The following GIMAP4 variants were observed in gnomAD, a reference collection of about 807,000 sequenced individuals.
The protein encoded by GIMAP4 is GTPase, IMAP family member 4.
A neutral mutation model predicts 10.8 loss-of-function variants in GIMAP4; 12 were observed. The ratio of observed to expected loss-of-function variants is 1.11; its 90% CI spans 0.71 to 1.81. GIMAP4 has a LOEUF of 1.81. Among genes scored for constraint, GIMAP4 ranks in the 40% most tolerant of loss-of-function variants. GIMAP4 has a pLI of 0.00. For missense variants in GIMAP4, 412 were observed against 404.6 expected (o/e 1.02, Z -0.16); for synonymous variants, 149 against 147.2 (o/e 1.01, Z -0.09).
chr7:150,572,344 A>G lies in GIMAP4; in HGVS notation c.274A>G (p.Thr92Ala), dbSNP rs1047478575. 6.2e-7 allele frequency: 1 copy of G among 1,614,156 alleles called. No homozygotes were observed. Among genetic ancestry groups the G allele is most frequent in the Non-Finnish European group, 8.5e-7 (1 of 1,180,000 alleles). Residue 92 changes from threonine (T) to alanine (A), a missense_variant, in exon 3 of 3, where the codon ACA becomes GCA. Transcript: ENST00000255945. Reference sequence around the variant, plus strand: ...AGTTGACACACCAGGCATTTTCGACACAGAGGTGCCCAATGCTGAAACGTC... The same window carrying G: ...AGTTGACACACCAGGCATTTTCGACGCAGAGGTGCCCAATGCTGAAACGTC... Reference protein sequence around the residue: ...VVVDTPGIFDTEVPNAETSKE... With the variant: ...VVVDTPGIFDAEVPNAETSKE...
chr7:150,569,998 G>A, intron 2 of GIMAP4, 39 bp downstream of exon 2: 1 of 1,460,184 alleles, frequency 6.8e-7, no homozygotes, highest in Non-Finnish European at 9.6e-7. Flanking sequence ...CAGGCTGCAG[G>A]GAGGTTAGCA....
intron 1 of GIMAP4, among the ~76,000 whole-genome samples, chr7:150,567,929 C>G (rs1038596847): frequency 2.0e-5 from 3 of 152,162 alleles, no homozygotes. Context: ...CAGGGACAGT[C>G]CTGGGTTTAC....
intron 2 of GIMAP4, 27 bp downstream of exon 2, chr7:150,569,986 A>T: frequency 8.6e-7 from 1 of 1,168,250 alleles, no homozygotes; most frequent in Non-Finnish European, 1.2e-6. Context: ...TGCTCCCCAG[A>T]CCAGGCTGCA....
chr7:150,572,321 T>G lies in GIMAP4; in HGVS notation c.251T>G (p.Val84Gly). The change falls in exon 3 of 3, where the codon GTT becomes GGT. Residue 84 changes from valine (V) to glycine (G), a missense_variant. Physicochemically the swap from Val to Gly is moderately radical, Grantham distance 109. Coordinates refer to ENST00000255945, the MANE Select transcript of GIMAP4 (RefSeq NM_018326.3). ...TGGAAGGAAACAGAACTTGTCGTAG[T>G]TGACACACCAGGCATTTTCGACACA... ...SSWKETELVV[V>G]DTPGIFDTEV... 1.2e-6 allele frequency: 2 copies of G among 1,614,124 alleles called. No homozygotes were observed. The highest frequency in any genetic ancestry group is 2.2e-5 in the South Asian group (2 of 91,088).
chr7:150,568,761 A>C (rs566456158), intron 1 of GIMAP4, among the ~76,000 whole-genome samples: 95 of 152,342 alleles, frequency 6.2e-4, no homozygotes, highest in Non-Finnish European at 1.1e-3. Flanking sequence ...CTCATCACAA[A>C]GCTTGTAGTA....
Position 150,572,333 on chromosome 7 carries a change from G to T in GIMAP4, c.263G>T (p.Gly88Val), listed in dbSNP as rs1434380994. Reference protein sequence around the residue: ...ETELVVVDTPGIFDTEVPNAE... With the variant: ...ETELVVVDTPVIFDTEVPNAE... Reference sequence around the variant, plus strand: ...GAACTTGTCGTAGTTGACACACCAGGCATTTTCGACACAGAGGTGCCCAAT... The same window carrying T: ...GAACTTGTCGTAGTTGACACACCAGTCATTTTCGACACAGAGGTGCCCAAT... The change falls in exon 3 of 3, where the codon GGC becomes GTC. Residue 88 changes from glycine (G) to valine (V), a missense_variant. By Grantham distance (109) the Gly-to-Val change is moderately radical. Transcript: ENST00000255945. The T allele has an allele frequency of 6.2e-7, 1 of 1,614,044 alleles. No individual in the cohort carries two copies. The highest frequency in any genetic ancestry group is 1.7e-5 in the Admixed American group (1 of 60,022).
At position 150,572,643 on chromosome 7, in the gene GIMAP4, C is replaced by T; in HGVS notation, c.573C>T (p.Asn191=). Reference sequence around the variant, plus strand: ...GTGACCGCTACTGTGCGTTAAACAACAAGGCAACAGGCGCTGAGCAGGAGG... The same window carrying T: ...GTGACCGCTACTGTGCGTTAAACAATAAGGCAACAGGCGCTGAGCAGGAGG... ...IFGDRYCALN[N]KATGAEQEAQ... The change falls in exon 3 of 3, where the codon AAC becomes AAT. Residue 191 remains asparagine (N), a synonymous_variant. Coordinates refer to ENST00000255945, the MANE Select transcript of GIMAP4 (RefSeq NM_018326.3). The T allele has an allele frequency of 1.9e-6, 3 of 1,614,234 alleles. No homozygotes were observed. Among genetic ancestry groups the T allele is most frequent in the Non-Finnish European group, 2.5e-6 (3 of 1,180,044 alleles).
At chr7:150,570,239 T>G (rs1795713802) in intron 2 of GIMAP4, among the ~76,000 whole-genome samples, 1 of 152,178 alleles carries the variant, frequency 6.6e-6, no homozygotes, top group South Asian at 2.1e-4. Context: ...TCGGCACAGT[T>G]TCTTACCTCC....
At chr7:150,571,814 A>G (rs1299986100) in intron 2 of GIMAP4, among the ~76,000 whole-genome samples, 2 of 152,188 alleles carry the variant, frequency 1.3e-5, no homozygotes. Flanking sequence ...AACAGCTATT[A>G]TTGGCAGCTC....
intron 1 of GIMAP4, among the ~76,000 whole-genome samples, chr7:150,568,882 G>A (rs1490203985): frequency 5.3e-5 from 8 of 152,218 alleles, no homozygotes; most frequent in Admixed American, 3.9e-4. Context: ...CTGGTAGACA[G>A]TGGTGTTGGG....
chr7:150,573,261 G>A lies in GIMAP4; in HGVS notation c.*201G>A. The A allele has an allele frequency of 1.9e-6, 1 of 530,906 alleles. No individual in the cohort carries two copies. Among genetic ancestry groups the A allele is most frequent in the East Asian group, 3.2e-5 (1 of 31,242 alleles). 32.9% of individuals were successfully genotyped at this position (530,906 alleles called of 1,614,324 possible). A position where few individuals can be genotyped will look rare whatever the true frequency, so the allele number is the denominator to read the frequency against. ...AATTTGTGAAACTCCAAAGCAGAAAGTATTGGTGCTTGCTACCTTGTGAAT... is the reference window on the plus strand; with the variant it reads ...AATTTGTGAAACTCCAAAGCAGAAAATATTGGTGCTTGCTACCTTGTGAAT... On this transcript the variant is annotated 3_prime_UTR_variant, in exon 3 of 3. Coordinates refer to ENST00000255945, the MANE Select transcript of GIMAP4 (RefSeq NM_018326.3).
At chr7:150,567,736 G>A (rs1795679868) in intron 1 of GIMAP4, among the ~76,000 whole-genome samples, 1 of 152,166 alleles carries the variant, frequency 6.6e-6, no homozygotes, top group African/African-American at 2.4e-5. Context: ...AGTTGGGTGA[G>A]CGGACAGAAT....
chr7:150,570,414 C>T (rs111610351), intron 2 of GIMAP4, among the ~76,000 whole-genome samples: 2,675 of 152,246 alleles, frequency 0.018, 83 homozygotes, highest in African/African-American at 0.061. Flanking sequence ...TCACTATAAC[C>T]AACAAATTAA....
rs771700296 is a variant in GIMAP4, at chr7:150,572,837, G to C, written c.767G>C (p.Arg256Thr). 6.2e-7 allele frequency: 1 copy of C among 1,613,868 alleles called. No homozygotes were observed. The highest frequency in any genetic ancestry group is 8.5e-7 in the Non-Finnish European group (1 of 1,179,868). The change falls in exon 3 of 3, where the codon AGA becomes ACA. Residue 256 changes from arginine to threonine, a missense_variant. Physicochemically the swap from Arg to Thr is moderately conservative, Grantham distance 71. Transcript: ENST00000255945. Reference sequence around the variant, plus strand: ...CTGGAGAGAGAGAAAGCGCGGATAAGAGAGGAGTATGAAGAGAAAATCAGA... The same window carrying C: ...CTGGAGAGAGAGAAAGCGCGGATAACAGAGGAGTATGAAGAGAAAATCAGA... ...VELEREKARIREEYEEKIRKL... is the reference protein window; with the variant it reads ...VELEREKARITEEYEEKIRKL...
chr7:150,568,159 G>T (rs1795686378), intron 1 of GIMAP4, among the ~76,000 whole-genome samples: 1 of 152,314 alleles, frequency 6.6e-6, no homozygotes, highest in Non-Finnish European at 1.5e-5. Flanking sequence ...CACACTAGAA[G>T]GAGGATATGA....
chr7:150,569,351 G>C (rs560169729), intron 1 of GIMAP4, among the ~76,000 whole-genome samples: 1 of 152,180 alleles, frequency 6.6e-6, no homozygotes, highest in East Asian at 1.9e-4. Context: ...GGGCTGATGA[G>C]AGAGAGAGGA....
chr7:150,572,519 T>C lies in GIMAP4; in HGVS notation c.449T>C (p.Ile150Thr). 1 of 1,614,176 alleles carries C rather than the reference T, an allele frequency of 6.2e-7. No individual in the cohort carries two copies. Among genetic ancestry groups the C allele is most frequent in the Non-Finnish European group, 8.5e-7 (1 of 1,180,006 alleles). ...GGAGAGAGGGCTAGAAGTTTCATGA[T>C]TCTCATATTCACCCGGAAAGATGAC... ...MFGERARSFM[I>T]LIFTRKDDLG... is the part of the protein sequence containing the mutation. The change falls in exon 3 of 3, where the codon ATT (isoleucine) becomes ACT (threonine). Residue 150 changes from isoleucine (I) to threonine (T), a missense_variant. Ile to Thr is a moderately conservative substitution (Grantham distance 89). Transcript: ENST00000255945.
Position 150,572,202 on chromosome 7 carries a change from T to G in GIMAP4, c.132T>G (p.Ser44Arg). Residue 44 changes from serine (S) to arginine (R), a missense_variant, in exon 3 of 3, where the codon AGT (serine) becomes AGG (arginine). Coordinates refer to ENST00000255945, the MANE Select transcript of GIMAP4 (RefSeq NM_018326.3). ...VLVGKTGAGK[S>R]ATGNSILGRK... Reference sequence around the variant, plus strand: ...TGGGTAAAACCGGAGCAGGAAAAAGTGCAACAGGAAACAGCATCCTTGGCC... The same window carrying G: ...TGGGTAAAACCGGAGCAGGAAAAAGGGCAACAGGAAACAGCATCCTTGGCC... 3.7e-6 allele frequency: 6 copies of G among 1,613,762 alleles called. No individual in the cohort carries two copies. The highest frequency in any genetic ancestry group is 5.1e-6 in the Non-Finnish European group (6 of 1,179,884).
rs1376478465 is a variant in GIMAP4, at chr7:150,572,208, A to T, written c.138A>T (p.Thr46=). Residue 46 remains threonine, a synonymous_variant, in exon 3 of 3, where the codon ACA becomes ACT. Coordinates refer to ENST00000255945, the MANE Select transcript of GIMAP4 (RefSeq NM_018326.3). ...VGKTGAGKSA[T]GNSILGRKVF... is the part of the protein sequence containing the mutation. Reference sequence around the variant, plus strand: ...AAACCGGAGCAGGAAAAAGTGCAACAGGAAACAGCATCCTTGGCCGGAAAG... The same window carrying T: ...AAACCGGAGCAGGAAAAAGTGCAACTGGAAACAGCATCCTTGGCCGGAAAG... The T allele has an allele frequency of 1.2e-6, 2 of 1,613,996 alleles. No homozygotes were observed. Among genetic ancestry groups the T allele is most frequent in the African/African-American group, 2.7e-5 (2 of 74,956 alleles).
Sources: allele counts gnomAD v4.1 joint callset (sites outside exome capture counted in the v4.1 genomes callset), GRCh38; gene constraint gnomAD v4.1.1; transcripts MANE v1.5; gene names NCBI Gene and HGNC (gene_info 2026-07-23, HGNC 2026-07-21).